SDK1: variants seen among roughly 807,000 people sequenced by gnomAD.
SDK1 encodes sidekick cell adhesion molecule 1.
In SDK1, 157 loss-of-function variants were observed where a neutral mutation model predicts 245.5. That is an observed-to-expected ratio of 0.64 (90% CI 0.56 to 0.73). The LOEUF is 0.73. Ranked by LOEUF, SDK1 falls within the 30% of genes least tolerant of loss-of-function variation. SDK1 has a pLI of 0.00. For missense variants in SDK1, 3,583 were observed against 3,002.3 expected, an observed-to-expected ratio of 1.19 and a Z score of -4.52; for synonymous variants, 1,647 against 1,278.5, an observed-to-expected ratio of 1.29 and a Z score of -6.15.
chr7:4,157,478 G>GAAGGATGGAAGGA (rs1562899947), intron 30 of SDK1, among the ~76,000 whole-genome samples: 1 of 136,010 alleles, frequency 7.4e-6, no homozygotes, highest in Non-Finnish European at 1.6e-5. Context: ...AGGAAGGAGG[G>GAAGGATGGAAGGA]AAGGAAGGGA....
chr7:3,411,686 A>G (rs1433648139), intron 1 of SDK1, among the ~76,000 whole-genome samples: 2 of 152,160 alleles, frequency 1.3e-5, no homozygotes, highest in African/African-American at 4.8e-5. Context: ...TAATGCAGCA[A>G]TTTCTCTTAT....
rs77693552 is a variant in SDK1, at chr7:3,950,834, G to A, written c.848-89G>A. On this transcript the variant is annotated intron_variant, in intron 5 of 44. Coordinates refer to ENST00000404826, the MANE Select transcript of SDK1 (RefSeq NM_152744.4). ...ACTCTCTTTGGTTTTAGGTATCCCCGGGGGTCTTGGAACGTGTCCCCTCAG... is the reference window on the plus strand; with the variant it reads ...ACTCTCTTTGGTTTTAGGTATCCCCAGGGGTCTTGGAACGTGTCCCCTCAG... The A allele has an allele frequency of 6.7e-3, 6,206 of 932,816 alleles. 266 individuals are homozygous for A. In the African/African-American group the frequency reaches 0.087, roughly 13 times the overall value. 57.8% of individuals were successfully genotyped at this position (932,816 alleles called of 1,614,324 possible). A position where few individuals can be genotyped will look rare whatever the true frequency, so the allele number is the denominator to read the frequency against.
intron 1 of SDK1, among the ~76,000 whole-genome samples, chr7:3,506,985 T>A (rs902811964): frequency 1.3e-5 from 2 of 152,190 alleles, no homozygotes; most frequent in Non-Finnish European, 2.9e-5. Flanking sequence ...TTGTTTTTAT[T>A]TTTGTGGGAA....
At chr7:3,676,472 C>G (rs896249178) in intron 4 of SDK1, among the ~76,000 whole-genome samples, 25 of 152,138 alleles carry the variant, frequency 1.6e-4, no homozygotes, top group African/African-American at 4.3e-4. Context: ...ACTACAGGCG[C>G]CTGCCACCAC....
intron 1 of SDK1, among the ~76,000 whole-genome samples, chr7:3,326,078 C>G (rs1168135545): frequency 6.6e-6 from 1 of 152,070 alleles, no homozygotes; most frequent in South Asian, 2.1e-4. Context: ...CTTAATGTAA[C>G]TTAATAAGGT....
intron 38 of SDK1, among the ~76,000 whole-genome samples, chr7:4,213,540 G>GTGC (rs1784616887): frequency 6.6e-6 from 1 of 151,566 alleles, no homozygotes; most frequent in Non-Finnish European, 1.5e-5. Flanking sequence ...AGCTGAGATC[G>GTGC]CACCACTGCA....
At chr7:4,229,040 G>C (rs1339947433) in intron 40 of SDK1, among the ~76,000 whole-genome samples, 2 of 152,220 alleles carry the variant, frequency 1.3e-5, no homozygotes, top group African/African-American at 2.4e-5. Context: ...ACTGGGGACT[G>C]TCCAGAACAT....
intron 7 of SDK1, among the ~76,000 whole-genome samples, chr7:3,956,926 G>A (rs1781314419): frequency 6.6e-6 from 1 of 152,294 alleles, no homozygotes; most frequent in South Asian, 2.1e-4. Context: ...AGCCTCGGGG[G>A]ACTGTACCAG....
intron 1 of SDK1, among the ~76,000 whole-genome samples, chr7:3,506,882 C>T (rs1021641515): frequency 3.3e-5 from 5 of 151,384 alleles, no homozygotes; most frequent in Admixed American, 2.0e-4. Context: ...GAATTCCTTC[C>T]TTATTAATTC....
At chr7:3,372,503 C>G (rs913282024) in intron 1 of SDK1, among the ~76,000 whole-genome samples, 2 of 152,156 alleles carry the variant, frequency 1.3e-5, no homozygotes, top group Non-Finnish European at 2.9e-5. Flanking sequence ...TGCCTCTTAC[C>G]CTGTGTAACT....
chr7:3,814,054 T>G (rs1188142622), intron 4 of SDK1, among the ~76,000 whole-genome samples: 9 of 125,724 alleles, frequency 7.2e-5, no homozygotes, highest in African/African-American at 2.6e-4. Context: ...TTCTCCCATG[T>G]TGTAGGTTGC....
intron 5 of SDK1, among the ~76,000 whole-genome samples, chr7:3,856,484 A>T (rs1380352455): frequency 7.2e-6 from 1 of 138,102 alleles, no homozygotes; most frequent in East Asian, 2.1e-4. Context: ...GTAATGTTAA[A>T]AAAAAAAAAA....
At chr7:3,490,334 C>T (rs1781830060) in intron 1 of SDK1, among the ~76,000 whole-genome samples, 1 of 152,118 alleles carries the variant, frequency 6.6e-6, no homozygotes, top group Non-Finnish European at 1.5e-5. Flanking sequence ...ATTTACATTT[C>T]TTAATAGTTC....
intron 1 of SDK1, among the ~76,000 whole-genome samples, chr7:3,319,714 A>G: frequency 6.6e-6 from 1 of 151,922 alleles, no homozygotes; most frequent in Non-Finnish European, 1.5e-5. Flanking sequence ...TTGCCAACTC[A>G]AGTACCTTTT....
At chr7:3,760,292 G>A (rs1780057717) in intron 4 of SDK1, among the ~76,000 whole-genome samples, 1 of 152,210 alleles carries the variant, frequency 6.6e-6, no homozygotes, top group Non-Finnish European at 1.5e-5. Flanking sequence ...GATGACCACA[G>A]TTACAAAGCT....
chr7:4,046,004 C>T (rs962087626), intron 17 of SDK1, among the ~76,000 whole-genome samples: 17 of 151,818 alleles, frequency 1.1e-4, no homozygotes, highest in African/African-American at 3.1e-4. Context: ...TGGTTGCTCA[C>T]GGCAGCCTCA....
intron 1 of SDK1, among the ~76,000 whole-genome samples, chr7:3,532,205 C>T (rs889528977): frequency 1.3e-5 from 2 of 152,150 alleles, no homozygotes; most frequent in Non-Finnish European, 2.9e-5. Context: ...TTCTTTCTCC[C>T]TTAATGAGTT....
intron 1 of SDK1, among the ~76,000 whole-genome samples, chr7:3,468,928 C>T (rs1258221903): frequency 6.6e-6 from 1 of 152,108 alleles, no homozygotes; most frequent in Admixed American, 6.6e-5. Flanking sequence ...GTAGGTTTCC[C>T]TTGACTCCTA....
At chr7:3,476,355 A>C (rs895952342) in intron 1 of SDK1, among the ~76,000 whole-genome samples, 19 of 152,210 alleles carry the variant, frequency 1.2e-4, no homozygotes, top group African/African-American at 4.3e-4. Context: ...GTCGCATCTA[A>C]CACTACCAGG....
Sources: allele counts gnomAD v4.1 joint callset (sites outside exome capture counted in the v4.1 genomes callset), GRCh38; gene constraint gnomAD v4.1.1; transcripts MANE v1.5; gene names NCBI Gene and HGNC (gene_info 2026-07-23, HGNC 2026-07-21).